PUM1: variants seen among roughly 807,000 people sequenced by gnomAD.
PUM1 encodes pumilio RNA binding family member 1.
Under a neutral mutation model 131.8 loss-of-function variants are expected in PUM1, and 13 were observed. That is an observed-to-expected ratio of 0.10 (90% CI 0.06 to 0.16). PUM1 has a LOEUF of 0.16. PUM1 is among the 10% of genes least tolerant of loss of function. The pLI, the probability that PUM1 is intolerant of heterozygous loss-of-function variation, is 1.00. For missense variants in PUM1, 961 were observed against 1,512.4 expected (o/e 0.64, Z 6.05); for synonymous variants, 509 against 556.5 (o/e 0.91, Z 1.20).
intron 14 of PUM1, among the ~76,000 whole-genome samples, chr1:30,957,012 C>A (rs1467258247): frequency 1.3e-5 from 2 of 151,422 alleles, no homozygotes; most frequent in East Asian, 1.9e-4. Context: ...ACGGTTAATA[C>A]ATTTACCGTG....
chr1:31,008,879 C>G (rs1642489010), intron 3 of PUM1, among the ~76,000 whole-genome samples: 1 of 151,924 alleles, frequency 6.6e-6, no homozygotes, highest in Non-Finnish European at 1.5e-5. Context: ...CAAAAATGTC[C>G]TGTCCCCTGC....
At chr1:30,940,225 C>T (rs1639387749) in intron 20 of PUM1, among the ~76,000 whole-genome samples, 7 of 152,130 alleles carry the variant, frequency 4.6e-5, no homozygotes. Context: ...TGCTGGTAAT[C>T]CCAGCACTTT....
chr1:31,059,388 G>T lies in PUM1; in HGVS notation c.179C>A (p.Thr60Asn). The T allele has an allele frequency of 6.2e-7, 1 of 1,614,204 alleles. No homozygotes were observed. The highest frequency in any genetic ancestry group is 8.5e-7 in the Non-Finnish European group (1 of 1,180,036). ...PAANQALAAG[T>N]HSSPVPGSIG... ...AGATCCTGGGACAGGGCTGGAGTGA[G>T]TCCCAGCTGCAAGAGCCTGATTTGC... Residue 60 changes from threonine to asparagine, a missense_variant, in exon 2 of 22, where the codon ACT becomes AAT. Coordinates refer to ENST00000426105, the MANE Select transcript of PUM1 (RefSeq NM_001020658.2).
At chr1:30,976,043 G>A (rs2124461108) in intron 9 of PUM1, among the ~76,000 whole-genome samples, 1 of 147,436 alleles carries the variant, frequency 6.8e-6, no homozygotes, top group South Asian at 2.1e-4. Flanking sequence ...AGCCAAGATT[G>A]TACCACTGCA....
intron 2 of PUM1, among the ~76,000 whole-genome samples, chr1:31,058,196 CA>C (rs1331592439): frequency 6.6e-6 from 1 of 152,162 alleles, no homozygotes; most frequent in Non-Finnish European, 1.5e-5. Flanking sequence ...TTCACTTGAG[CA>C]GCTGATGTTA....
At chr1:30,999,776 CT>C (rs150308695) in intron 5 of PUM1, among the ~76,000 whole-genome samples, 10,971 of 151,960 alleles carry the variant, frequency 0.072, 650 homozygotes, top group East Asian at 0.28. Flanking sequence ...TAATGCATGC[CT>C]AAAAGTTTTA....
intron 14 of PUM1, among the ~76,000 whole-genome samples, chr1:30,959,145 C>T (rs1286818418): frequency 6.6e-6 from 1 of 152,166 alleles, no homozygotes; most frequent in African/African-American, 2.4e-5. Context: ...AATCTTACTA[C>T]AAATAAATGC....
chr1:30,959,568 C>A (rs992336482), intron 14 of PUM1, among the ~76,000 whole-genome samples: 5 of 152,060 alleles, frequency 3.3e-5, no homozygotes, highest in Non-Finnish European at 7.4e-5. Context: ...ATGTAACATA[C>A]CACATTCACG....
At chr1:31,005,523 A>AC (rs1451712672) in intron 5 of PUM1, among the ~76,000 whole-genome samples, 1 of 151,482 alleles carries the variant, frequency 6.6e-6, no homozygotes, top group Non-Finnish European at 1.5e-5. Context: ...TTCCTTCACC[A>AC]CCCCCCTTTT....
intron 2 of PUM1, among the ~76,000 whole-genome samples, chr1:31,038,867 T>C (rs1055233174): frequency 1.3e-5 from 2 of 148,634 alleles, no homozygotes; most frequent in Non-Finnish European, 3.0e-5. Context: ...GGTACTGTAA[T>C]AGGAAAAGAT....
At chr1:30,963,658 T>G (rs1219298549) in intron 14 of PUM1, among the ~76,000 whole-genome samples, 2 of 152,246 alleles carry the variant, frequency 1.3e-5, no homozygotes, top group Admixed American at 1.3e-4. Context: ...TTGTTTTTAG[T>G]CAAGTTCTCA....
At chr1:30,999,575 C>A (rs1642119635) in intron 5 of PUM1, among the ~76,000 whole-genome samples, 1 of 127,486 alleles carries the variant, frequency 7.8e-6, no homozygotes. Context: ...CTGCTGCACT[C>A]CAGCCTGGGT....
chr1:31,033,277 T>C (rs1643495280), intron 2 of PUM1, among the ~76,000 whole-genome samples: 1 of 150,076 alleles, frequency 6.7e-6, no homozygotes, highest in African/African-American at 2.4e-5. Context: ...CGATCTCACC[T>C]CACTGCAACC....
At chr1:31,041,459 C>T (rs1322279688) in intron 2 of PUM1, among the ~76,000 whole-genome samples, 1 of 151,998 alleles carries the variant, frequency 6.6e-6, no homozygotes, top group African/African-American at 2.4e-5. Flanking sequence ...TTTGATATAG[C>T]TTGGATGTTT....
intron 1 of PUM1, among the ~76,000 whole-genome samples, chr1:31,060,632 A>C (rs1408642199): frequency 1.3e-5 from 2 of 152,044 alleles, no homozygotes; most frequent in Admixed American, 1.3e-4. Context: ...CACGCCTATA[A>C]TCCCAACACT....
chr1:31,006,064 C>G, intron 4 of PUM1, 33 bp from the exon 5 acceptor site: 1 of 1,514,420 alleles, frequency 6.6e-7, no homozygotes, highest in Non-Finnish European at 8.9e-7. Context: ...TGATACAGTG[C>G]AGCCAGAGGC....
intron 7 of PUM1, among the ~76,000 whole-genome samples, chr1:30,991,643 A>C (rs1163640555): frequency 6.6e-6 from 1 of 152,222 alleles, no homozygotes; most frequent in Non-Finnish European, 1.5e-5. Context: ...TGCTTCCGCC[A>C]CAAGGGAGAA....
intron 20 of PUM1, among the ~76,000 whole-genome samples, chr1:30,939,692 C>T (rs2124385010): frequency 6.6e-6 from 1 of 152,206 alleles, no homozygotes; most frequent in Non-Finnish European, 1.5e-5. Context: ...ACAGTAGCTA[C>T]TCAGTTATTA....
intron 4 of PUM1, among the ~76,000 whole-genome samples, chr1:31,006,542 T>A (rs1386789260): frequency 6.6e-6 from 1 of 152,106 alleles, no homozygotes. Flanking sequence ...GTTCTCCCCA[T>A]CCCTCTTCAG....
Sources: allele counts gnomAD v4.1 joint callset (sites outside exome capture counted in the v4.1 genomes callset), GRCh38; gene constraint gnomAD v4.1.1; transcripts MANE v1.5; gene names NCBI Gene and HGNC (gene_info 2026-07-23, HGNC 2026-07-21).